The following RBPJ variants were observed in gnomAD, a reference collection of about 807,000 sequenced individuals.
RBPJ encodes recombination signal binding protein for immunoglobulin kappa J region, also known as recombining binding protein suppressor of hairless.
A neutral mutation model predicts 67.8 loss-of-function variants in RBPJ; 9 were observed. The ratio of observed to expected loss-of-function variants is 0.13; its 90% confidence interval spans 0.08 to 0.23. RBPJ has a LOEUF of 0.23. RBPJ is among the 10% of genes least tolerant of loss of function. RBPJ has a pLI of 1.00. For synonymous variants in RBPJ, 198 were observed against 203.3 expected (o/e 0.97, Z 0.22); for missense variants, 305 against 595.6 (o/e 0.51, Z 5.08).
chr4:26,331,751 G>A (rs1397650671), intron 1 of RBPJ, among the ~76,000 whole-genome samples: 2 of 152,132 alleles, frequency 1.3e-5, no homozygotes, highest in Non-Finnish European at 2.9e-5. Context: ...CTGGCTGGAC[G>A]CAGTTACCTC....
chr4:26,194,009 C>T (rs1252097603), intron 1 of RBPJ, among the ~76,000 whole-genome samples: 2 of 152,226 alleles, frequency 1.3e-5, no homozygotes, highest in Non-Finnish European at 2.9e-5. Flanking sequence ...CCTCTCTCTT[C>T]CTTCAGGCTA....
the RBPJ span, among the ~76,000 whole-genome samples, chr4:26,141,618 G>A: frequency 6.6e-6 from 1 of 152,206 alleles, no homozygotes; most frequent in Non-Finnish European, 1.5e-5. Flanking sequence ...GCATTTCCAT[G>A]CCCTCGAGCA....
chr4:26,109,456 CTCTCTATATATA>C, the RBPJ span, among the ~76,000 whole-genome samples: 17 of 18,674 alleles, frequency 9.1e-4, 2 homozygotes, highest in Admixed American at 2.7e-3. Flanking sequence ...CTCTCTCTCT[CTCTCTATATATA>C]TATATATATA....
chr4:26,253,521 C>T (rs1403716535), intron 1 of RBPJ, among the ~76,000 whole-genome samples: 2 of 151,240 alleles, frequency 1.3e-5, no homozygotes, highest in Middle Eastern at 3.4e-3. Context: ...CCGTTGTAGC[C>T]GGGATGGTCT....
chr4:26,288,625 A>G (rs1333031923), intron 1 of RBPJ, among the ~76,000 whole-genome samples: 1 of 152,226 alleles, frequency 6.6e-6, no homozygotes, highest in African/African-American at 2.4e-5. Flanking sequence ...AGAACTTGCA[A>G]ATTTATTTGT....
chr4:26,117,458 C>T, the RBPJ span, among the ~76,000 whole-genome samples: 959 of 152,098 alleles, frequency 6.3e-3, 7 homozygotes, highest in African/African-American at 0.021. Context: ...GGTAATATGA[C>T]GTATTACATG....
At chr4:26,402,298 A>G (rs1206694096) in intron 2 of RBPJ, among the ~76,000 whole-genome samples, 1 of 152,176 alleles carries the variant, frequency 6.6e-6, no homozygotes, top group Non-Finnish European at 1.5e-5. Flanking sequence ...GGTACCCAGC[A>G]GTTTGGTCTC....
intron 1 of RBPJ, among the ~76,000 whole-genome samples, chr4:26,373,696 C>G (rs1007401174): frequency 2.6e-5 from 4 of 152,134 alleles, no homozygotes; most frequent in Admixed American, 2.0e-4. Context: ...ATAGTGTAAG[C>G]CGTACATTCA....
At chr4:26,423,622 A>G (rs1296837206) in intron 5 of RBPJ, among the ~76,000 whole-genome samples, 3 of 152,220 alleles carry the variant, frequency 2.0e-5, no homozygotes, top group Non-Finnish European at 4.4e-5. Flanking sequence ...GGCTATTTGC[A>G]TTTCAGATTA....
chr4:26,423,141 G>A lies in RBPJ; in HGVS notation c.497-1201G>A, dbSNP rs73126668. On this transcript the variant is annotated intron_variant, in intron 5 of 10. Transcript: ENST00000355476. ...AAGAAATAGAGCGTGGGCCTAGTTG[G>A]AAAGACAGATTTCATTCAGTACTAT... Among the ~76,000 whole-genome samples the A allele has an allele frequency of 5.1e-3, 784 of 152,294 alleles. 5 individuals are homozygous for A. Among genetic ancestry groups the A allele is most frequent in the African/African-American group, 0.018 (739 of 41,576 alleles).
In RBPJ at chr4:26,244,159, A is replaced by T. The variant is rs762351014; in HGVS notation, c.-167+80545A>T. Among the ~76,000 whole-genome samples the T allele has an allele frequency of 1.8e-5, 2 of 111,022 alleles. 1 individual carries two copies. Among genetic ancestry groups the T allele is most frequent in the African/African-American group, 7.6e-5 (2 of 26,220 alleles). 72.8% of individuals were successfully genotyped at this position (111,022 alleles called of 152,430 possible). On this transcript the variant is annotated intron_variant, in intron 1 of 4. Coordinates refer to the RBPJ transcript ENST00000512351. ...TATATATATGTGTACACATATATGT[A>T]TATATATATGTATACACATATATGT...
chr4:26,425,331 A>G (rs1397254338), intron 7 of RBPJ, among the ~76,000 whole-genome samples: 2 of 152,148 alleles, frequency 1.3e-5, no homozygotes, highest in Non-Finnish European at 2.9e-5. Flanking sequence ...CACACCTGCA[A>G]TCCCAGCACT....
chr4:26,147,618 C>CT, the RBPJ span, among the ~76,000 whole-genome samples: 16 of 151,778 alleles, frequency 1.1e-4, no homozygotes, highest in African/African-American at 2.4e-4. Context: ...ATAAGAAAAA[C>CT]TTTTTTTTTC....
At chr4:26,142,472 G>A in the RBPJ span, among the ~76,000 whole-genome samples, 1 of 152,186 alleles carries the variant, frequency 6.6e-6, no homozygotes, top group South Asian at 2.1e-4. Context: ...CGGCTTAACA[G>A]GATCATTAGG....
intron 1 of RBPJ, among the ~76,000 whole-genome samples, chr4:26,347,869 T>C (rs1395413675): frequency 6.6e-6 from 1 of 152,038 alleles, no homozygotes; most frequent in Non-Finnish European, 1.5e-5. Flanking sequence ...TGGCACACAT[T>C]CAGTAATTCT....
chr4:26,390,576 AT>A (rs936545412), intron 2 of RBPJ, among the ~76,000 whole-genome samples: 1 of 152,222 alleles, frequency 6.6e-6, no homozygotes, highest in African/African-American at 2.4e-5. Context: ...ACTAAATTGT[AT>A]TTCTGTATAC....
intron 1 of RBPJ, among the ~76,000 whole-genome samples, chr4:26,208,995 T>G (rs1718266103): frequency 6.6e-6 from 1 of 152,142 alleles, no homozygotes; most frequent in Non-Finnish European, 1.5e-5. Flanking sequence ...GCTTGTTCCT[T>G]ATTCATTTTT....
chr4:26,128,424 T>C, the RBPJ span, among the ~76,000 whole-genome samples: 2 of 152,218 alleles, frequency 1.3e-5, no homozygotes, highest in African/African-American at 4.8e-5. Context: ...GCACTTTCTA[T>C]GTGCCAAGCA....
chr4:26,247,534 C>T (rs964926949), intron 1 of RBPJ, among the ~76,000 whole-genome samples: 4 of 152,086 alleles, frequency 2.6e-5, no homozygotes, highest in African/African-American at 7.2e-5. Context: ...CCTCGGCCTC[C>T]CGAGTAGCTA....
Sources: gnomAD v4.1 joint callset for allele counts (sites outside exome capture counted in the v4.1 genomes callset) on GRCh38, gnomAD v4.1.1 for gene constraint, MANE v1.5 for transcripts, NCBI Gene and HGNC (gene_info 2026-07-23, HGNC 2026-07-21) for gene names.